Variants in ACAN observed in about 807,000 individuals in gnomAD.
ACAN encodes the protein aggrecan core protein.
Under a neutral mutation model 169.1 loss-of-function variants are expected in ACAN, and 47 were observed. The observed-to-expected ratio is 0.28, with a 90% CI of 0.22 to 0.35. The LOEUF is 0.35. Ranked by LOEUF, ACAN falls within the 10% of genes least tolerant of loss-of-function variation. The pLI, the probability that ACAN is intolerant of heterozygous loss-of-function variation, is 1.00. For synonymous variants in ACAN, 1,115 were observed against 1,112.2 expected (o/e 1.00, Z -0.05); for missense variants, 2,716 against 2,759.9 (o/e 0.98, Z 0.36).
intron 11 of ACAN, 94 bp from the exon 12 acceptor site, chr15:88,854,758 T>G (rs1897008476): frequency 7.7e-7 from 1 of 1,302,728 alleles, no homozygotes. Context: ...AAAATTTTAC[T>G]GTGGAAAGAA....
chr15:88,851,940 G>A lies in ACAN; in HGVS notation c.2173G>A (p.Glu725Lys), dbSNP rs1048763393. 1.9e-6 allele frequency: 3 copies of A among 1,612,824 alleles called. No individual in the cohort carries two copies. Among genetic ancestry groups the A allele is most frequent in the Non-Finnish European group, 8.5e-7 (1 of 1,179,456 alleles). Residue 725 changes from glutamate to lysine, a missense_variant, in exon 11 of 19, where the codon GAG (glutamate) becomes AAG (lysine). Coordinates refer to ENST00000560601, the MANE Select transcript of ACAN (RefSeq NM_001369268.1). This position sits in a 1 kb window ranked among gnomAD's most constrained non-coding sequence, Gnocchi z 4.3. ...GGAGACAACTGCTGTACCCTCAGGG[G>A]AGACTACTGCCATCCTAGAGTTCAC... ...EEETTAVPSG[E>K]TTAILEFTTE... is the part of the protein sequence containing the mutation.
chr15:88,808,087 G>A (rs1012855753), intron 1 of ACAN, among the ~76,000 whole-genome samples: 5 of 152,176 alleles, frequency 3.3e-5, no homozygotes, highest in African/African-American at 1.2e-4. Flanking sequence ...GGAGGGGTGA[G>A]GGTAAGAAGG....
Position 88,858,748 on chromosome 15 carries a change from G to A in ACAN, c.6163G>A (p.Gly2055Ser), listed in dbSNP as rs762713480. 6.2e-7 allele frequency: 1 copy of A among 1,613,928 alleles called. No individual in the cohort carries two copies. Among genetic ancestry groups the A allele is most frequent in the East Asian group, 2.2e-5 (1 of 44,872 alleles). ...VTEPTISQEL[G>S]QRPPVTHTPQ... The stretch of plus-strand genomic sequence containing the variant: ...TGAACCAACTATTTCTCAGGAACTA[G>A]GCCAAAGGCCCCCTGTGACACACAC... Residue 2055 changes from glycine to serine, a missense_variant, in exon 12 of 19, where the codon GGC (glycine) becomes AGC (serine). Around this residue, in one of 3 missense-constraint regions of ACAN, gnomAD observed 1,389 missense variants for 1,363.7 expected, o/e 1.02. Coordinates refer to ENST00000560601, the MANE Select transcript of ACAN (RefSeq NM_001369268.1). This position sits in a 1 kb window ranked among gnomAD's most constrained non-coding sequence, Gnocchi z 4.0.
chr15:88,854,518 T>A (rs1897003618), intron 11 of ACAN, among the ~76,000 whole-genome samples: 1 of 152,216 alleles, frequency 6.6e-6, no homozygotes, highest in South Asian at 2.1e-4. Flanking sequence ...GTGGGTTGTG[T>A]GGATGGTGGC....
rs910410862 is a variant in ACAN at position 88,814,158 on chromosome 15, T to G, written c.-8+10349T>G. ...GTGTGACCTTGACAGAGTTGATTAG[T>G]CTTGCTGTGCCTCGTTTTCCTCATC... On this transcript the variant is annotated intron_variant, in intron 1 of 18. Transcript: ENST00000560601. The surrounding 1 kb of genome is among the most constrained non-coding windows in gnomAD (Gnocchi z 4.0). Among the ~76,000 whole-genome samples the G allele has an allele frequency of 6.6e-6, 1 of 152,236 alleles. No individual in the cohort carries two copies. The highest frequency in any genetic ancestry group is 2.4e-5 in the African/African-American group (1 of 41,450).
chr15:88,822,357 G>A (rs1260498446), intron 1 of ACAN, among the ~76,000 whole-genome samples: 3 of 152,168 alleles, frequency 2.0e-5, no homozygotes, highest in African/African-American at 7.2e-5. Flanking sequence ...CTCTGTGAAT[G>A]CCCTGAAATC....
Position 88,838,693 on chromosome 15 carries a change from C to G in ACAN, c.101C>G (p.Pro34Arg). Residue 34 changes from proline to arginine, a missense_variant, in exon 3 of 19, where the codon CCC (proline) becomes CGC (arginine). Coordinates refer to ENST00000560601, the MANE Select transcript of ACAN (RefSeq NM_001369268.1). This position sits in a 1 kb window ranked among gnomAD's most constrained non-coding sequence, Gnocchi z 5.1. Reference protein sequence around the residue: ...DHDNSLSVSIPQPSPLRVLLG... With the variant: ...DHDNSLSVSIRQPSPLRVLLG... Reference sequence around the variant, plus strand: ...GACAACTCGCTGAGTGTCAGCATCCCCCAACCGTCCCCGCTGAGGGTCCTC... The same window carrying G: ...GACAACTCGCTGAGTGTCAGCATCCGCCAACCGTCCCCGCTGAGGGTCCTC... 6.3e-7 allele frequency: 1 copy of G among 1,598,038 alleles called. No homozygotes were observed. Among genetic ancestry groups the G allele is most frequent in the Non-Finnish European group, 8.5e-7 (1 of 1,170,898 alleles).
At chr15:88,812,548 C>G (rs1012132093) in intron 1 of ACAN, among the ~76,000 whole-genome samples, 2 of 152,194 alleles carry the variant, frequency 1.3e-5, no homozygotes, top group African/African-American at 4.8e-5. Flanking sequence ...CCTGCAGCCC[C>G]TGGCCTCTCA....
In ACAN at chr15:88,872,626, T is replaced by A. The variant is rs1897407746; in HGVS notation, c.7303-255T>A. On this transcript the variant is annotated intron_variant, in intron 16 of 18. Transcript: ENST00000560601. The surrounding 1 kb of genome is among the most constrained non-coding windows in gnomAD (Gnocchi z 5.4). ...AGCTCATGTACAGAGCCTGTGAGTC[T>A]TGGGGGTTCTGAGCTCCTGAGAAGG... is the stretch of plus-strand genomic sequence containing the variant. Among the ~76,000 whole-genome samples the A allele has an allele frequency of 3.3e-5, 5 of 152,126 alleles. No individual in the cohort carries two copies. Among genetic ancestry groups the A allele is most frequent in the African/African-American group, 7.2e-5 (3 of 41,438 alleles).
intron 11 of ACAN, among the ~76,000 whole-genome samples, chr15:88,853,335 CT>C (rs768493168): frequency 4.0e-4 from 60 of 151,578 alleles, no homozygotes; most frequent in Non-Finnish European, 7.4e-4. Context: ...AGTTGACTTG[CT>C]TTAAAAAAAA....
chr15:88,818,105 A>G (rs1895987764), intron 1 of ACAN, among the ~76,000 whole-genome samples: 1 of 152,202 alleles, frequency 6.6e-6, no homozygotes, highest in African/African-American at 2.4e-5. Flanking sequence ...TTACTTGACT[A>G]TTCTATGTGC....
In ACAN at chr15:88,849,799, T is replaced by A. The variant is rs566154962; in HGVS notation, c.2026+68T>A. 21 of 1,560,104 alleles carry A rather than the reference T, an allele frequency of 1.3e-5. No homozygotes were observed. In the African/African-American group the frequency reaches 2.9e-4, roughly 21 times the overall value. ...AGAGGACCCCACTGGGTTCACCGGA[T>A]CCTGCCACCACCCAGTATCCCATCC... is the stretch of plus-strand genomic sequence containing the variant. On this transcript the variant is annotated intron_variant, in intron 10 of 18. Transcript: ENST00000560601. This position sits in a 1 kb window ranked among gnomAD's most constrained non-coding sequence, Gnocchi z 5.1.
intron 5 of ACAN, among the ~76,000 whole-genome samples, chr15:88,842,871 A>T (rs1165600130): frequency 1.3e-5 from 2 of 152,164 alleles, no homozygotes; most frequent in African/African-American, 4.8e-5. Flanking sequence ...TGGTCCTCGA[A>T]TGATGCTCTT....
intron 11 of ACAN, among the ~76,000 whole-genome samples, chr15:88,852,762 C>T (rs11073816): frequency 4.6e-5 from 7 of 151,978 alleles, no homozygotes; most frequent in Non-Finnish European, 7.4e-5. Flanking sequence ...AGCCTCCCCC[C>T]ACTCCCACAG....
chr15:88,838,626 T>C lies in ACAN; in HGVS notation c.71-37T>C, dbSNP rs1896565270. Reference sequence around the variant, plus strand: ...AGGCGGGGTGGTCCTCTCTAGGCACTAACAGGTCTCTCTTCTACCCCACCT... The same window carrying C: ...AGGCGGGGTGGTCCTCTCTAGGCACCAACAGGTCTCTCTTCTACCCCACCT... On this transcript the variant is annotated intron_variant, in intron 2 of 18. Transcript: ENST00000560601. This position sits in a 1 kb window ranked among gnomAD's most constrained non-coding sequence, Gnocchi z 5.1. 6.5e-7 allele frequency: 1 copy of C among 1,547,962 alleles called. No individual in the cohort carries two copies.
rs1897284595 is a variant in ACAN, at chr15:88,866,613, A to T, written c.6947-1603A>T. Among the ~76,000 whole-genome samples, 1 of 151,816 alleles carries T rather than the reference A, an allele frequency of 6.6e-6. No homozygotes were observed. The highest frequency in any genetic ancestry group is 1.5e-5 in the Non-Finnish European group (1 of 67,990). ...AGTTAAAGACTTCATGGGAAGAAAG[A>T]GATGCCCAACAACTGGAGATTAGGG... On this transcript the variant is annotated intron_variant, in intron 13 of 18. Transcript: ENST00000560601. This position sits in a 1 kb window ranked among gnomAD's most constrained non-coding sequence, Gnocchi z 5.6.
Position 88,855,018 on chromosome 15 carries a change from A to G in ACAN, c.2433A>G (p.Pro811=). Residue 811 remains proline, a synonymous_variant, in exon 12 of 19, where the codon CCA becomes CCG. Coordinates refer to ENST00000560601, the MANE Select transcript of ACAN (RefSeq NM_001369268.1). ...PSEEPFPSVR[P]FPSVELFPSE... ...AGGAACCATTCCCCTCAGTGAGGCCATTCCCCTCAGTGGAGCTGTTCCCCT... is the reference window on the plus strand; with the variant it reads ...AGGAACCATTCCCCTCAGTGAGGCCGTTCCCCTCAGTGGAGCTGTTCCCCT... 5 of 1,594,072 alleles carry G rather than the reference A, an allele frequency of 3.1e-6. No individual in the cohort carries two copies. Among genetic ancestry groups the G allele is most frequent in the Non-Finnish European group, 4.3e-6 (5 of 1,171,434 alleles).
At chr15:88,846,490 G>A (rs775664716) in intron 7 of ACAN, among the ~76,000 whole-genome samples, 4 of 152,186 alleles carry the variant, frequency 2.6e-5, no homozygotes, top group Non-Finnish European at 5.9e-5. Context: ...TTGGAACAAA[G>A]CCATAGCCAT....
At chr15:88,836,979 T>A (rs989479884) in intron 2 of ACAN, among the ~76,000 whole-genome samples, 9 of 151,780 alleles carry the variant, frequency 5.9e-5, no homozygotes, top group African/African-American at 2.2e-4. Flanking sequence ...GGAAGGGGAG[T>A]CAGCAGGGCC....
Sources: allele counts gnomAD v4.1 joint callset (sites outside exome capture counted in the v4.1 genomes callset), GRCh38; gene constraint gnomAD v4.1.1; regional missense constraint gnomAD v4.1.1; non-coding constraint Gnocchi (gnomAD v3.1); transcripts MANE v1.5; gene names NCBI Gene and HGNC (gene_info 2026-07-23, HGNC 2026-07-21).